The following PRDM6 variants were observed in gnomAD, a reference collection of about 807,000 sequenced individuals.
The protein encoded by PRDM6 is putative histone-lysine N-methyltransferase PRDM6.
Under a neutral mutation model 60.8 loss-of-function variants are expected in PRDM6, and 25 were observed. The observed-to-expected ratio is 0.41, with a 90% CI of 0.30 to 0.57. The LOEUF (loss-of-function observed/expected upper bound fraction) is 0.57. Ranked by LOEUF, PRDM6 falls within the 20% of genes least tolerant of loss-of-function variation. The pLI is 0.27. For synonymous variants in PRDM6, 407 were observed against 357.4 expected, an observed-to-expected ratio of 1.14 and a Z score of -1.57; for missense variants, 839 against 821.3, an observed-to-expected ratio of 1.02 and a Z score of -0.26.
At chr5:123,091,424 C>T (rs779806506) in intron 2 of PRDM6, among the ~76,000 whole-genome samples, 2 of 152,228 alleles carry the variant, frequency 1.3e-5, no homozygotes, top group African/African-American at 4.8e-5. Context: ...TTACTCCCCT[C>T]TTCCTCCAAG....
intron 4 of PRDM6, among the ~76,000 whole-genome samples, chr5:123,158,137 TC>T (rs1765547864): frequency 6.6e-6 from 1 of 152,258 alleles, no homozygotes; most frequent in Non-Finnish European, 1.5e-5. Flanking sequence ...TTCTGCTCTT[TC>T]AGCAGCAAAG....
At chr5:123,119,412 A>G (rs530965424) in intron 3 of PRDM6, among the ~76,000 whole-genome samples, 21 of 152,194 alleles carry the variant, frequency 1.4e-4, no homozygotes, top group Non-Finnish European at 2.4e-4. Flanking sequence ...AGGTCCTGAA[A>G]GCCGCTGGTG....
chr5:123,147,099 T>C (rs1286046860), intron 3 of PRDM6, among the ~76,000 whole-genome samples: 1 of 152,194 alleles, frequency 6.6e-6, no homozygotes, highest in Non-Finnish European at 1.5e-5. Flanking sequence ...ATATACAAAA[T>C]AAGTTTTCGC....
At position 123,170,847 on chromosome 5, in the gene PRDM6, C is replaced by T; in HGVS notation, c.1235C>T (p.Pro412Leu). The change falls in exon 6 of 8, where the codon CCT becomes CTT. Residue 412 changes from proline (P) to leucine (L), a missense_variant. Physicochemically the swap from Pro to Leu is moderately conservative, Grantham distance 98. Transcript: ENST00000407847. ...QPFNKSSKLA[P>L]TTQQRSVVFP... is the part of the protein sequence containing the mutation. ...TTCAACAAAAGCAGCAAACTCGCCCCTACCACCCAGCAGCGCTCCGTTGTT... is the reference window on the plus strand; with the variant it reads ...TTCAACAAAAGCAGCAAACTCGCCCTTACCACCCAGCAGCGCTCCGTTGTT... 6.4e-7 allele frequency: 1 copy of T among 1,552,270 alleles called. No individual in the cohort carries two copies. Among genetic ancestry groups the T allele is most frequent in the South Asian group, 1.2e-5 (1 of 84,056 alleles).
At chr5:123,176,880 T>G (rs2126888041) in intron 6 of PRDM6, among the ~76,000 whole-genome samples, 2 of 152,272 alleles carry the variant, frequency 1.3e-5, no homozygotes, top group African/African-American at 4.8e-5. Flanking sequence ...ATCCAAAAAT[T>G]TAATAAGTCT....
chr5:123,093,878 C>T (rs1763898783), intron 2 of PRDM6, among the ~76,000 whole-genome samples: 1 of 151,698 alleles, frequency 6.6e-6, no homozygotes, highest in South Asian at 2.1e-4. Flanking sequence ...TAAAGATGTG[C>T]TTCCCTAGGA....
intron 3 of PRDM6, among the ~76,000 whole-genome samples, chr5:123,117,620 G>A (rs1295830051): frequency 6.6e-6 from 1 of 152,190 alleles, no homozygotes; most frequent in African/African-American, 2.4e-5. Flanking sequence ...TTTCCTGTTT[G>A]GTTAGAGTCA....
intron 5 of PRDM6, among the ~76,000 whole-genome samples, chr5:123,168,001 C>T (rs564700566): frequency 5.3e-5 from 8 of 152,224 alleles, no homozygotes; most frequent in South Asian, 2.1e-4. Context: ...GTGGTTCTAC[C>T]CCAATCTCTG....
At chr5:123,131,569 G>T (rs1220459465) in intron 3 of PRDM6, among the ~76,000 whole-genome samples, 4 of 152,200 alleles carry the variant, frequency 2.6e-5, no homozygotes, top group Admixed American at 2.6e-4. Flanking sequence ...CTTAATCCTT[G>T]AATCTTCCTT....
chr5:123,191,857 AGAATATTGCTTTATCTGTG>A lies in PRDM6; in HGVS notation c.*4660_*4678del, dbSNP rs1305654164. 1.3e-5 allele frequency: 2 copies of A among 152,242 alleles called. No homozygotes were observed. Among genetic ancestry groups the A allele is most frequent in the South Asian group, 2.1e-4 (1 of 4,834 alleles). 9.4% of individuals were successfully genotyped at this position (152,242 alleles called of 1,614,324 possible). On this transcript the variant is annotated 3_prime_UTR_variant, in exon 8 of 8. Coordinates refer to ENST00000407847, the MANE Select transcript of PRDM6 (RefSeq NM_001136239.4). ...CTGGCCAGACAGAGCCAAACTGAAAAGAATATTGCTTTATCTGTGGAAACCTTGCCACAGATGTTTAACC... is the reference window on the plus strand; with the variant it reads ...CTGGCCAGACAGAGCCAAACTGAAAAGAAACCTTGCCACAGATGTTTAACC...
intron 3 of PRDM6, among the ~76,000 whole-genome samples, chr5:123,104,308 A>G (rs1438503728): frequency 2.0e-5 from 3 of 152,130 alleles, no homozygotes; most frequent in African/African-American, 7.2e-5. Flanking sequence ...TAAATATATT[A>G]TGTATGTTTC....
At chr5:123,093,979 T>C (rs1045801320) in intron 2 of PRDM6, among the ~76,000 whole-genome samples, 7 of 151,984 alleles carry the variant, frequency 4.6e-5, no homozygotes, top group Admixed American at 3.3e-4. Context: ...GAGGGGTCTC[T>C]GTCCCCTCCC....
chr5:123,136,168 A>C (rs762613420), intron 3 of PRDM6, among the ~76,000 whole-genome samples: 2 of 152,276 alleles, frequency 1.3e-5, no homozygotes, highest in Non-Finnish European at 2.9e-5. Flanking sequence ...TTACAAGGTT[A>C]TATTTCAACC....
chr5:123,172,892 A>G (rs575229806), intron 6 of PRDM6, among the ~76,000 whole-genome samples: 9 of 152,342 alleles, frequency 5.9e-5, no homozygotes, highest in African/African-American at 2.2e-4. Context: ...AGTTACGCTT[A>G]GAAAATCATA....
At chr5:123,101,291 C>G (rs888880407) in intron 3 of PRDM6, among the ~76,000 whole-genome samples, 1 of 152,136 alleles carries the variant, frequency 6.6e-6, no homozygotes, top group Non-Finnish European at 1.5e-5. Flanking sequence ...TCTGCAAAGC[C>G]TCTTTTGATG....
intron 7 of PRDM6, among the ~76,000 whole-genome samples, chr5:123,183,856 T>C (rs1310045053): frequency 6.6e-6 from 1 of 152,202 alleles, no homozygotes; most frequent in East Asian, 1.9e-4. Context: ...TGCCCTGCTG[T>C]GCCTGAGAGG....
At chr5:123,143,599 A>G (rs1765171505) in intron 3 of PRDM6, among the ~76,000 whole-genome samples, 1 of 152,052 alleles carries the variant, frequency 6.6e-6, no homozygotes. Context: ...CCATCCAGAA[A>G]CACAGGGCGT....
chr5:123,148,282 A>G (rs1370684042), intron 3 of PRDM6, among the ~76,000 whole-genome samples: 1 of 152,246 alleles, frequency 6.6e-6, no homozygotes. Flanking sequence ...AATGGTGTAT[A>G]TAACCATTAC....
intron 3 of PRDM6, among the ~76,000 whole-genome samples, chr5:123,112,519 C>T (rs1215746157): frequency 1.3e-5 from 2 of 152,154 alleles, no homozygotes; most frequent in African/African-American, 2.4e-5. Context: ...TTTCTCACAC[C>T]CGGAGAGCTC....
Sources: gnomAD v4.1 joint callset for allele counts (sites outside exome capture counted in the v4.1 genomes callset) on GRCh38, gnomAD v4.1.1 for gene constraint, MANE v1.5 for transcripts, NCBI Gene and HGNC (gene_info 2026-07-23, HGNC 2026-07-21) for gene names.